Variants in DGKB observed in about 807,000 individuals in gnomAD.
DGKB encodes the protein diacylglycerol kinase beta.
In DGKB, 67 loss-of-function variants were observed where a neutral mutation model predicts 114.3. That is an observed-to-expected ratio of 0.59 (90% CI 0.48 to 0.72). The LOEUF (loss-of-function observed/expected upper bound fraction) is 0.72, where lower values mean the gene tolerates loss of function less well. Among genes scored for constraint, DGKB ranks in the 30% least tolerant of loss-of-function variants. DGKB has a pLI of 0.00. For synonymous variants in DGKB, 398 were observed against 323.1 expected, an observed-to-expected ratio of 1.23 and a Z score of -2.49; for missense variants, 907 against 975.2, an observed-to-expected ratio of 0.93 and a Z score of 0.93.
At chr7:14,848,893 T>A (rs925433817) in intron 1 of DGKB, among the ~76,000 whole-genome samples, 1 of 152,092 alleles carries the variant, frequency 6.6e-6, no homozygotes, top group Non-Finnish European at 1.5e-5. Flanking sequence ...CAACCCTGCA[T>A]ATCCCCTTCT....
intron 13 of DGKB, among the ~76,000 whole-genome samples, chr7:14,638,214 A>C (rs1199481401): frequency 3.9e-5 from 6 of 152,092 alleles, no homozygotes; most frequent in African/African-American, 1.4e-4. Context: ...TAACTACAAC[A>C]CATAAAACTC....
chr7:14,761,138 T>C (rs1205900016), intron 2 of DGKB, among the ~76,000 whole-genome samples: 1 of 152,170 alleles, frequency 6.6e-6, no homozygotes, highest in African/African-American at 2.4e-5. Flanking sequence ...ATCTCCACTT[T>C]ACAATCTAGT....
intron 1 of DGKB, among the ~76,000 whole-genome samples, chr7:14,890,326 A>T (rs1450944707): frequency 1.3e-5 from 2 of 151,606 alleles, no homozygotes; most frequent in African/African-American, 4.8e-5. Flanking sequence ...GATTTTTGAT[A>T]GATGAGAAAT....
At chr7:14,807,372 A>G (rs1052985390) in intron 2 of DGKB, among the ~76,000 whole-genome samples, 2 of 152,046 alleles carry the variant, frequency 1.3e-5, no homozygotes, top group South Asian at 4.1e-4. Flanking sequence ...GAATAAATAC[A>G]CAAATTTCCA....
intron 2 of DGKB, among the ~76,000 whole-genome samples, chr7:14,810,277 C>T (rs1001779400): frequency 3.9e-5 from 6 of 152,152 alleles, no homozygotes; most frequent in Admixed American, 2.0e-4. Flanking sequence ...TTCTACCAAT[C>T]TAGTGAAACC....
At chr7:14,971,413 G>A (rs1409805909) in intron 1 of DGKB, among the ~76,000 whole-genome samples, 3 of 152,226 alleles carry the variant, frequency 2.0e-5, no homozygotes, top group Admixed American at 6.5e-5. Context: ...AGCTTGTGGT[G>A]TATTCTTGGC....
chr7:14,942,805 T>C (rs1304077560), intron 1 of DGKB, among the ~76,000 whole-genome samples: 1 of 152,068 alleles, frequency 6.6e-6, no homozygotes. Flanking sequence ...AAAAGTCTTC[T>C]CCTTATCCCC....
chr7:14,807,791 T>A (rs1429082227), intron 2 of DGKB, among the ~76,000 whole-genome samples: 1 of 152,078 alleles, frequency 6.6e-6, no homozygotes, highest in African/African-American at 2.4e-5. Flanking sequence ...TGGGGCTTTT[T>A]AAATTTGTTT....
chr7:14,179,112 T>C (rs1782251267), intron 23 of DGKB, among the ~76,000 whole-genome samples: 2 of 152,204 alleles, frequency 1.3e-5, no homozygotes, highest in African/African-American at 4.8e-5. Flanking sequence ...TACAACGTTT[T>C]AGAAATCATC....
At chr7:14,155,834 C>T (rs1380458799) in intron 25 of DGKB, among the ~76,000 whole-genome samples, 1 of 151,970 alleles carries the variant, frequency 6.6e-6, no homozygotes, top group Non-Finnish European at 1.5e-5. Context: ...GTTGGTGAAC[C>T]TACTGTTGAG....
chr7:14,179,700 A>C (rs1782352845), intron 23 of DGKB, among the ~76,000 whole-genome samples: 2 of 152,206 alleles, frequency 1.3e-5, no homozygotes, highest in Admixed American at 1.3e-4. Context: ...TAAATTTAAT[A>C]AAAGCACTTT....
intron 23 of DGKB, among the ~76,000 whole-genome samples, chr7:14,285,037 A>T (rs958928633): frequency 1.3e-5 from 2 of 152,188 alleles, no homozygotes; most frequent in South Asian, 2.1e-4. Flanking sequence ...AAATAATAAA[A>T]AAAAGAAATG....
intron 4 of DGKB, among the ~76,000 whole-genome samples, chr7:14,736,626 A>C (rs1691455978): frequency 6.6e-6 from 1 of 152,178 alleles, no homozygotes; most frequent in East Asian, 1.9e-4. Context: ...GGAATTTTCC[A>C]TATTTTTTGC....
chr7:14,222,913 G>T (rs1332354551), intron 23 of DGKB, among the ~76,000 whole-genome samples: 1 of 151,356 alleles, frequency 6.6e-6, no homozygotes, highest in Non-Finnish European at 1.5e-5. Flanking sequence ...TTTATCTCTG[G>T]TATCATTCTT....
chr7:14,344,184 C>T (rs963196846), intron 22 of DGKB, among the ~76,000 whole-genome samples: 9 of 151,052 alleles, frequency 6.0e-5, no homozygotes. Flanking sequence ...AACCCAAATC[C>T]TTCACCTCTG....
intron 23 of DGKB, among the ~76,000 whole-genome samples, chr7:14,295,650 A>C (rs1802415779): frequency 6.6e-6 from 1 of 151,992 alleles, no homozygotes; most frequent in African/African-American, 2.4e-5. Flanking sequence ...CTTGCTTTCC[A>C]GTAAATAAAT....
rs1236211108 is a variant in DGKB, at chr7:14,284,810, A to G, written c.2122+53705T>C. Among the ~76,000 whole-genome samples, 7 of 144,882 alleles carry G rather than the reference A, an allele frequency of 4.8e-5. No homozygotes were observed. The East Asian group carries it at 1.3e-3, about 26-fold the overall frequency. On this transcript the variant is annotated intron_variant, in intron 23 of 25. Transcript: ENST00000402815. Reference sequence around the variant, plus strand: ...CTCACTCATAGGTGGGAATTGAACAATGAGATTGCATGGACACAGGAAGGG... The same window carrying G: ...CTCACTCATAGGTGGGAATTGAACAGTGAGATTGCATGGACACAGGAAGGG...
At chr7:14,414,688 C>T (rs1314338581) in intron 21 of DGKB, among the ~76,000 whole-genome samples, 3 of 151,996 alleles carry the variant, frequency 2.0e-5, no homozygotes, top group Non-Finnish European at 2.9e-5. Context: ...GTCTCTAGAG[C>T]ATAACATTAT....
chr7:14,899,813 A>C (rs2128236172), intron 1 of DGKB, among the ~76,000 whole-genome samples: 1 of 152,262 alleles, frequency 6.6e-6, no homozygotes, highest in South Asian at 2.1e-4. Flanking sequence ...CGGCATCCAC[A>C]AAATAATATG....
Sources: allele counts gnomAD v4.1 joint callset (sites outside exome capture counted in the v4.1 genomes callset), GRCh38; gene constraint gnomAD v4.1.1; transcripts MANE v1.5; gene names NCBI Gene and HGNC (gene_info 2026-07-23, HGNC 2026-07-21).